The following ZFYVE9 variants were observed in gnomAD, a reference collection of about 807,000 sequenced individuals.
ZFYVE9 encodes zinc finger FYVE-type containing 9.
ZFYVE9 carries 43 observed loss-of-function variants against 126.7 expected under a neutral mutation model. The ratio of observed to expected loss-of-function variants is 0.34; its 90% confidence interval spans 0.27 to 0.44. The LOEUF (loss-of-function observed/expected upper bound fraction) is 0.44. ZFYVE9 is among the 20% of genes least tolerant of loss of function. ZFYVE9 has a pLI of 1.00. For synonymous variants in ZFYVE9, 521 were observed against 597.4 expected, an observed-to-expected ratio of 0.87 and a Z score of 1.87; for missense variants, 1,476 against 1,697.0, an observed-to-expected ratio of 0.87 and a Z score of 2.29.
At chr1:52,269,847 C>T (rs1365004917) in intron 7 of ZFYVE9, among the ~76,000 whole-genome samples, 1 of 151,634 alleles carries the variant, frequency 6.6e-6, no homozygotes, top group Non-Finnish European at 1.5e-5. Context: ...CAGTATAGTG[C>T]CGCAGACATG....
chr1:52,303,844 C>T lies in ZFYVE9; in HGVS notation c.3357C>T (p.Thr1119=). 6.3e-7 allele frequency: 1 copy of T among 1,592,356 alleles called. No individual in the cohort carries two copies. The highest frequency in any genetic ancestry group is 1.3e-5 in the African/African-American group (1 of 74,194). ...AGGACTTCAGAAATTACCAGTATACCTTGCCAGTAGTTCAAGGTTTGGTGG... is the reference window on the plus strand; with the variant it reads ...AGGACTTCAGAAATTACCAGTATACTTTGCCAGTAGTTCAAGGTTTGGTGG... ...LLADFRNYQY[T]LPVVQGLVVD... is the part of the protein sequence containing the mutation. Residue 1119 remains threonine (T), a synonymous_variant, in exon 13 of 19, where the codon ACC becomes ACT. Coordinates refer to ENST00000287727, the MANE Select transcript of ZFYVE9 (RefSeq NM_004799.4).
At chr1:52,336,689 G>A (rs1354295038) in intron 15 of ZFYVE9, among the ~76,000 whole-genome samples, 2 of 151,952 alleles carry the variant, frequency 1.3e-5, no homozygotes, top group East Asian at 3.8e-4. Flanking sequence ...CAGTCATTTG[G>A]TCTAAAGCAA....
rs772551244 is a variant in ZFYVE9, at chr1:52,281,764, G to A, written c.2973G>A (p.Leu991=). The change falls in exon 10 of 19, where the codon TTG becomes TTA. Residue 991 remains leucine (L), a synonymous_variant. Transcript: ENST00000287727. ...AGTGTTTACCGGATGAAAAGTGTTT[G>A]CCAAAGGATATCTTTAATCACTTTG... The part of the protein sequence containing the change: ...LLQCLPDEKC[L]PKDIFNHFVQ... 3 of 1,614,164 alleles carry A rather than the reference G, an allele frequency of 1.9e-6. No homozygotes were observed. Among genetic ancestry groups the A allele is most frequent in the Admixed American group, 1.7e-5 (1 of 60,020 alleles).
At chr1:52,315,186 T>C (rs1437868240) in intron 13 of ZFYVE9, among the ~76,000 whole-genome samples, 1 of 152,200 alleles carries the variant, frequency 6.6e-6, no homozygotes, top group Non-Finnish European at 1.5e-5. Flanking sequence ...CCCTGCACTT[T>C]GAGGGGCTGA....
chr1:52,179,359 G>A (rs1644673922), intron 1 of ZFYVE9, among the ~76,000 whole-genome samples: 1 of 152,226 alleles, frequency 6.6e-6, no homozygotes, highest in Admixed American at 6.5e-5. Flanking sequence ...TTAAGGCCGG[G>A]CGTGGTGGCT....
intron 4 of ZFYVE9, among the ~76,000 whole-genome samples, chr1:52,251,028 TG>T (rs1645439916): frequency 4.5e-5 from 4 of 88,658 alleles, no homozygotes; most frequent in Non-Finnish European, 2.0e-5. Context: ...CAGTCGTTTT[TG>T]TTGTTGTTGT....
chr1:52,170,947 C>T (rs1162777451), intron 1 of ZFYVE9, among the ~76,000 whole-genome samples: 1 of 150,684 alleles, frequency 6.6e-6, no homozygotes, highest in Non-Finnish European at 1.5e-5. Flanking sequence ...GATGAAATGT[C>T]CTGTTAATAT....
intron 1 of ZFYVE9, among the ~76,000 whole-genome samples, chr1:52,188,699 A>G (rs1242044428): frequency 1.3e-5 from 2 of 152,188 alleles, no homozygotes; most frequent in African/African-American, 2.4e-5. Context: ...TGGTTTATAT[A>G]GTAGACTGAG....
chr1:52,336,364 T>A (rs1569781197), intron 15 of ZFYVE9, among the ~76,000 whole-genome samples: 1 of 123,562 alleles, frequency 8.1e-6, no homozygotes, highest in Non-Finnish European at 1.7e-5. Context: ...AAGAGGTTTT[T>A]TTTGTTTTTT....
Position 52,340,138 on chromosome 1 carries a change from T to G in ZFYVE9, c.3846T>G (p.Pro1282=), listed in dbSNP as rs1557527795. 6.2e-7 allele frequency: 1 copy of G among 1,613,378 alleles called. No individual in the cohort carries two copies. The highest frequency in any genetic ancestry group is 2.2e-5 in the East Asian group (1 of 44,874). The change falls in exon 17 of 19, where the codon CCT becomes CCG. Residue 1282 remains proline (P), a synonymous_variant. Transcript: ENST00000287727. The part of the protein sequence containing the change: ...DKNVSKGVVS[P]IDGKSMETIT... ...GCCTCTATTTTAGTGTCGTAAGTCC[T>G]ATAGATGGGAAGTCCATGGAGACTA...
chr1:52,166,767 A>G (rs1165617182), intron 1 of ZFYVE9, among the ~76,000 whole-genome samples: 1 of 152,150 alleles, frequency 6.6e-6, no homozygotes, highest in Non-Finnish European at 1.5e-5. Flanking sequence ...AAAGTCAGGC[A>G]TGGTGACACG....
chr1:52,335,675 A>G (rs888696409), intron 15 of ZFYVE9, among the ~76,000 whole-genome samples: 1 of 152,172 alleles, frequency 6.6e-6, no homozygotes, highest in Non-Finnish European at 1.5e-5. Context: ...TGGTGTTGGA[A>G]AAAGGGAGGG....
intron 13 of ZFYVE9, among the ~76,000 whole-genome samples, chr1:52,319,675 T>G (rs1474276091): frequency 6.6e-6 from 1 of 151,330 alleles, no homozygotes; most frequent in Non-Finnish European, 1.5e-5. Flanking sequence ...ATCCTGAAAT[T>G]TATATGGGGA....
chr1:52,327,913 G>A (rs530782750), intron 13 of ZFYVE9, among the ~76,000 whole-genome samples: 143 of 151,736 alleles, frequency 9.4e-4, no homozygotes, highest in Middle Eastern at 3.4e-3. Flanking sequence ...GGCAGAGGCC[G>A]CAGTGAGCCA....
At chr1:52,318,434 G>C (rs1646207693) in intron 13 of ZFYVE9, among the ~76,000 whole-genome samples, 1 of 147,910 alleles carries the variant, frequency 6.8e-6, no homozygotes, top group Non-Finnish European at 1.5e-5. Flanking sequence ...AATCTAAGAA[G>C]AGAACTTTCA....
chr1:52,263,828 A>G lies in ZFYVE9; in HGVS notation c.2234A>G (p.Lys745Arg). Residue 745 changes from lysine to arginine, a missense_variant, in exon 5 of 19, where the codon AAG becomes AGG. Physicochemically the swap from Lys to Arg is conservative, Grantham distance 26. Transcript: ENST00000287727. ...TGTAAACTGTTATACATGGACAGAA[A>G]GGAAGCTAGAGTGTGTGTAATCTGC... ...LKCKLLYMDR[K>R]EARVCVICHS... 4 of 1,550,736 alleles carry G rather than the reference A, an allele frequency of 2.6e-6. No individual in the cohort carries two copies. The highest frequency in any genetic ancestry group is 3.5e-6 in the Non-Finnish European group (4 of 1,141,738).
At chr1:52,299,719 T>G (rs1489430616) in intron 12 of ZFYVE9, among the ~76,000 whole-genome samples, 4 of 152,180 alleles carry the variant, frequency 2.6e-5, no homozygotes, top group Non-Finnish European at 5.9e-5. Context: ...AGCTGGATGA[T>G]GGTGATACAG....
chr1:52,192,834 G>A (rs533414764), intron 1 of ZFYVE9, among the ~76,000 whole-genome samples: 6 of 152,240 alleles, frequency 3.9e-5, no homozygotes, highest in African/African-American at 1.4e-4. Context: ...CTTTTTATCA[G>A]GAAAATGATG....
rs200357881 is a variant in ZFYVE9, at chr1:52,238,448, A to T, written c.1031A>T (p.Asp344Val). The T allele has an allele frequency of 1.3e-4, 213 of 1,613,994 alleles. No homozygotes were observed. The highest frequency in any genetic ancestry group is 1.8e-4 in the Non-Finnish European group (207 of 1,179,970). Reference protein sequence around the residue: ...RSGLPLLLKPDMPNGSGRNND... With the variant: ...RSGLPLLLKPVMPNGSGRNND... Reference sequence around the variant, plus strand: ...GGTTTACCTTTGCTTCTCAAACCAGACATGCCTAATGGGTCTGGAAGGAAT... The same window carrying T: ...GGTTTACCTTTGCTTCTCAAACCAGTCATGCCTAATGGGTCTGGAAGGAAT... Residue 344 changes from aspartate (D) to valine (V), a missense_variant, in exon 4 of 19, where the codon GAC becomes GTC. Physicochemically the swap from Asp to Val is radical, Grantham distance 152. Transcript: ENST00000287727.
Sources: allele counts gnomAD v4.1 joint callset (sites outside exome capture counted in the v4.1 genomes callset), GRCh38; gene constraint gnomAD v4.1.1; transcripts MANE v1.5; gene names NCBI Gene and HGNC (gene_info 2026-07-23, HGNC 2026-07-21).